SULT6B1: variants seen among roughly 807,000 people sequenced by gnomAD.
SULT6B1 encodes sulfotransferase 6B1.
SULT6B1 carries 44 observed loss-of-function variants against 37.2 expected under a neutral mutation model. That is an observed-to-expected ratio of 1.18 (90% CI 0.93 to 1.52). The LOEUF is 1.52. SULT6B1 is among the 40% of genes most tolerant of loss of function. The pLI is 0.00. For missense variants in SULT6B1, 450 were observed against 361.0 expected, an observed-to-expected ratio of 1.25 and a Z score of -2.00; for synonymous variants, 140 against 126.0, an observed-to-expected ratio of 1.11 and a Z score of -0.74.
chr2:37,171,133 G>A (rs1197990271), intron 6 of SULT6B1, among the ~76,000 whole-genome samples: 8 of 152,020 alleles, frequency 5.3e-5, no homozygotes, highest in East Asian at 1.9e-4. Context: ...CCAGCTACTC[G>A]GGAGGCTGAG....
chr2:37,190,371 T>A (rs1043436695), upstream of SULT6B1, among the ~76,000 whole-genome samples: 5 of 152,208 alleles, frequency 3.3e-5, no homozygotes, highest in Non-Finnish European at 5.9e-5. Flanking sequence ...GAAGATGACT[T>A]CTAGTTATTC....
At chr2:37,176,443 A>G (rs11895010) in intron 4 of SULT6B1, among the ~76,000 whole-genome samples, 3,091 of 151,904 alleles carry the variant, frequency 0.02, 97 homozygotes, top group African/African-American at 0.07. Flanking sequence ...TATTTTTGGT[A>G]GAGACGAGGT....
chr2:37,181,214 G>A (rs1276112930), intron 3 of SULT6B1, among the ~76,000 whole-genome samples: 1 of 152,116 alleles, frequency 6.6e-6, no homozygotes, highest in African/African-American at 2.4e-5. Context: ...AAATATAGTA[G>A]ATTCTTGCCA....
chr2:37,178,302 A>G (rs1204128662), intron 4 of SULT6B1, among the ~76,000 whole-genome samples: 2 of 152,008 alleles, frequency 1.3e-5, no homozygotes, highest in African/African-American at 2.4e-5. Context: ...CAGTTGATCA[A>G]TCTCGGCTCA....
chr2:37,175,403 T>A (rs1163174836), intron 4 of SULT6B1, among the ~76,000 whole-genome samples, 177 bp from the exon 5 acceptor site: 1 of 152,192 alleles, frequency 6.6e-6, no homozygotes, highest in African/African-American at 2.4e-5. Flanking sequence ...TGTCTAAATT[T>A]CTATTTATTT....
At chr2:37,191,563 G>A (rs146723437), upstream of SULT6B1, among the ~76,000 whole-genome samples, 13 of 152,172 alleles carry the variant, frequency 8.5e-5, no homozygotes, top group African/African-American at 2.4e-4. Flanking sequence ...TTGGCAGATC[G>A]CAAGTTCTTG....
chr2:37,171,740 T>C (rs1374993496), intron 5 of SULT6B1, 150 bp from the exon 6 acceptor site: 3 of 657,006 alleles, frequency 4.6e-6, no homozygotes, highest in Non-Finnish European at 5.1e-6. Context: ...CATCTTCTTA[T>C]GTAAATATTG....
In SULT6B1 at chr2:37,167,913, A is replaced by T; in HGVS notation, c.*22T>A. 1 of 1,540,562 alleles carries T rather than the reference A, an allele frequency of 6.5e-7. No individual in the cohort carries two copies. Among genetic ancestry groups the T allele is most frequent in the Non-Finnish European group, 8.7e-7 (1 of 1,155,564 alleles). ...AATTATTATTAAGGAAAATAAATCT[A>T]GGCCTGCTGAATTGACTGGAATCAA... On this transcript the variant is annotated 3_prime_UTR_variant, in exon 7 of 7. Transcript: ENST00000535679.
intron 2 of SULT6B1, among the ~76,000 whole-genome samples, chr2:37,186,286 C>G (rs1195920059): frequency 6.6e-6 from 1 of 152,148 alleles, no homozygotes; most frequent in East Asian, 1.9e-4. Context: ...TTGAATACAG[C>G]CTTCCCTTCC....
At chr2:37,190,212 A>C (rs1385903300), upstream of SULT6B1, among the ~76,000 whole-genome samples, 1 of 152,240 alleles carries the variant, frequency 6.6e-6, no homozygotes, top group Non-Finnish European at 1.5e-5. Context: ...TTGATAAGTC[A>C]AATATCTATA....
chr2:37,168,125 A>G, intron 6 of SULT6B1, 60 bp from the exon 7 acceptor site: 2 of 1,476,288 alleles, frequency 1.4e-6, no homozygotes, highest in South Asian at 1.4e-5. Context: ...TCATGATTTT[A>G]CCATTTTCAG....
intron 1 of SULT6B1, 92 bp downstream of exon 1, chr2:37,188,350 T>G: frequency 9.4e-7 from 1 of 1,066,552 alleles, no homozygotes. Flanking sequence ...ATTCCTGCAA[T>G]GAGGAACCGC....
At chr2:37,181,048 T>G (rs941513432) in intron 3 of SULT6B1, among the ~76,000 whole-genome samples, 1 of 152,220 alleles carries the variant, frequency 6.6e-6, no homozygotes, top group Non-Finnish European at 1.5e-5. Context: ...TTACCAAATT[T>G]GTAAATAACA....
intron 1 of SULT6B1, 38 bp from the exon 2 acceptor site, chr2:37,187,505 G>A (rs769368187): frequency 7.7e-7 from 1 of 1,306,286 alleles, no homozygotes; most frequent in Non-Finnish European, 1.1e-6. Context: ...TCATTACGGA[G>A]TCTTGATATA....
chr2:37,177,335 G>A (rs1256900084), intron 4 of SULT6B1, among the ~76,000 whole-genome samples: 1 of 148,696 alleles, frequency 6.7e-6, no homozygotes, highest in Non-Finnish European at 1.5e-5. Flanking sequence ...TGAGGACCAC[G>A]TGAGCCCAGA....
chr2:37,188,893 A>T (rs954003990), upstream of SULT6B1, among the ~76,000 whole-genome samples: 4 of 152,246 alleles, frequency 2.6e-5, no homozygotes, highest in African/African-American at 4.8e-5. Context: ...AACCTGCCCA[A>T]TGAAAGTAAG....
upstream of SULT6B1, among the ~76,000 whole-genome samples, chr2:37,193,582 A>AAG (rs1558454824): frequency 1.4e-3 from 178 of 125,396 alleles, no homozygotes; most frequent in Admixed American, 5.1e-3. Context: ...AAAAGAAGAA[A>AAG]AAGAAGAAGA....
At position 37,193,930 on chromosome 2, in the gene SULT6B1, G is replaced by T. The variant is rs942606404; in HGVS notation, c.-22+2586C>A. On this transcript the variant is annotated intron_variant, in intron 1 of 7. Transcript: ENST00000407963. Reference sequence around the variant, plus strand: ...GGACCCTTGGTAAAAGTTTCTACTGGAGTCTACACTTTTCCTGCTCCAAAC... The same window carrying T: ...GGACCCTTGGTAAAAGTTTCTACTGTAGTCTACACTTTTCCTGCTCCAAAC... Among the ~76,000 whole-genome samples, 12 of 152,196 alleles carry T rather than the reference G, an allele frequency of 7.9e-5. 1 individual carries two copies. The South Asian group carries it at 1.9e-3, about 24-fold the overall frequency.
intron 3 of SULT6B1, among the ~76,000 whole-genome samples, chr2:37,181,380 T>G (rs1477348021): frequency 1.3e-5 from 2 of 152,132 alleles, no homozygotes; most frequent in African/African-American, 4.8e-5. Flanking sequence ...CTGCTGTTGC[T>G]CTTGTTTTTT....
Sources: gnomAD v4.1 joint callset for allele counts (sites outside exome capture counted in the v4.1 genomes callset) on GRCh38, gnomAD v4.1.1 for gene constraint, MANE v1.5 for transcripts, NCBI Gene and HGNC (gene_info 2026-07-23, HGNC 2026-07-21) for gene names.